Variants in MACROH2A1 observed in about 807,000 individuals in gnomAD.
MACROH2A1 encodes the protein macroH2A.1 histone, also known as core histone macro-H2A.1.
Under a neutral mutation model 31.6 loss-of-function variants are expected in MACROH2A1, and 2 were observed. The ratio of observed to expected loss-of-function variants is 0.06; its 90% CI spans 0.03 to 0.20. MACROH2A1 has a LOEUF of 0.20. Ranked by LOEUF, MACROH2A1 falls within the 10% of genes least tolerant of loss-of-function variation. The pLI, the probability that MACROH2A1 is intolerant of heterozygous loss-of-function variation, is 1.00. For synonymous variants in MACROH2A1, 169 were observed against 189.6 expected, an observed-to-expected ratio of 0.89 and a Z score of 0.89; for missense variants, 230 against 474.0, an observed-to-expected ratio of 0.49 and a Z score of 4.78.
rs558743829 is a variant in MACROH2A1, at chr5:135,340,334, G to A, written c.953+2926C>T. 3.9e-5 allele frequency among the ~76,000 whole-genome samples: 6 copies of A among 152,232 alleles called. No individual in the cohort carries two copies. In the South Asian group the frequency reaches 8.3e-4, roughly 21 times the overall value. On this transcript the variant is annotated intron_variant, in intron 8 of 8. Transcript: ENST00000511689. ...ATGCAGATAAAGGGTTTAGCACCGC[G>A]CCTGGGGCTCAACACATACCCATAA...
chr5:135,364,210 G>A (rs1763204852), intron 4 of MACROH2A1, among the ~76,000 whole-genome samples: 1 of 152,236 alleles, frequency 6.6e-6, no homozygotes, highest in African/African-American at 2.4e-5. Context: ...TAGACACAGG[G>A]CGGGGAACAT....
intron 2 of MACROH2A1, among the ~76,000 whole-genome samples, chr5:135,386,948 A>G (rs542092057): frequency 1.3e-5 from 2 of 152,308 alleles, no homozygotes; most frequent in African/African-American, 4.8e-5. Context: ...TGTGTAGCAC[A>G]TTAGCTTTCC....
At chr5:135,335,445 T>C (rs1338128784) in intron 8 of MACROH2A1, among the ~76,000 whole-genome samples, 2 of 147,844 alleles carry the variant, frequency 1.4e-5, no homozygotes, top group African/African-American at 5.3e-5. Context: ...CGAAGTACAG[T>C]GTAAGCTCCT....
chr5:135,345,631 ATC>A (rs1760716742), intron 7 of MACROH2A1: 1 of 209,018 alleles, frequency 4.8e-6, no homozygotes, highest in African/African-American at 2.3e-5. Flanking sequence ...TTTAATTTGT[ATC>A]TCTCACCAGC....
chr5:135,335,844 G>T (rs746080384), intron 8 of MACROH2A1, among the ~76,000 whole-genome samples: 17 of 152,218 alleles, frequency 1.1e-4, no homozygotes, highest in Non-Finnish European at 2.5e-4. Flanking sequence ...CTGCTCTGTG[G>T]TGTGCCTGAG....
chr5:135,346,027 T>C lies in MACROH2A1; in HGVS notation c.719A>G (p.Glu240Gly). The C allele has an allele frequency of 6.2e-7, 1 of 1,613,962 alleles. No individual in the cohort carries two copies. Among genetic ancestry groups the C allele is most frequent in the Non-Finnish European group, 8.5e-7 (1 of 1,179,854 alleles). The change falls in exon 7 of 9, where the codon GAG (glutamate) becomes GGG (glycine). Residue 240 changes from glutamate to glycine, a missense_variant. Physicochemically the swap from Glu to Gly is moderately conservative, Grantham distance 98 (BLOSUM62 -2). Around this residue, in one of 2 missense-constraint regions of MACROH2A1, gnomAD observed 183 missense variants for 319.3 expected, o/e 0.57. Coordinates refer to ENST00000511689, the MANE Select transcript of MACROH2A1 (RefSeq NM_138610.3). ...GAGTTCCAGGACAGCTTCCACAAAC[T>C]CCTTGCCACCTTTCTTCTCCAGCGT... ...GNTLEKKGGK[E>G]FVEAVLELRK...
intron 2 of MACROH2A1, among the ~76,000 whole-genome samples, chr5:135,373,486 GAA>G (rs1421105247): frequency 1.3e-5 from 2 of 152,194 alleles, no homozygotes; most frequent in Non-Finnish European, 2.9e-5. Context: ...CTTTGTGACT[GAA>G]AAGTTCAGTA....
At chr5:135,395,004 T>C (rs964329955) in intron 1 of MACROH2A1, among the ~76,000 whole-genome samples, 22 of 152,150 alleles carry the variant, frequency 1.4e-4, no homozygotes, top group Admixed American at 1.3e-3. Context: ...GCAAAATCCC[T>C]ATAGGAGCCC....
chr5:135,369,904 A>G lies in MACROH2A1; in HGVS notation c.279+132T>C, dbSNP rs1320009. ...GGGGAAAAACTGCCATGGGAGGCAG[A>G]GAAGCTGCTAATTAATCCAAAAGGC... On this transcript the variant is annotated intron_variant, in intron 3 of 8. Transcript: ENST00000511689. The surrounding 1 kb of genome is among the most constrained non-coding windows in gnomAD (Gnocchi z 4.3). 0.085 allele frequency: 54,606 copies of G among 645,086 alleles called. 5,021 individuals are homozygous for G. The highest frequency in any genetic ancestry group is 0.37 in the African/African-American group (20,067 of 54,830). The allele number at this position is 645,086 out of a possible 1,614,324, so 40.0% of individuals were successfully genotyped here.
At chr5:135,338,013 G>A (rs1206183760) in intron 8 of MACROH2A1, 3 of 1,175,814 alleles carry the variant, frequency 2.6e-6, no homozygotes, top group Non-Finnish European at 3.2e-6. Flanking sequence ...GAATGGCGGA[G>A]GTAACGGCTT....
chr5:135,370,768 T>C (rs1393707769), intron 2 of MACROH2A1, among the ~76,000 whole-genome samples: 4 of 152,228 alleles, frequency 2.6e-5, no homozygotes, highest in Non-Finnish European at 4.4e-5. Context: ...AAATATAATG[T>C]GTCACTCCTT....
At chr5:135,355,317 C>G (rs1313654859) in intron 5 of MACROH2A1, 1 of 453,490 alleles carries the variant, frequency 2.2e-6, no homozygotes, top group East Asian at 7.0e-5. Flanking sequence ...AGAGGCATCC[C>G]CACTCTTGGA....
chr5:135,350,576 G>C (rs772728524), intron 6 of MACROH2A1: 1 of 444,366 alleles, frequency 2.3e-6, no homozygotes, highest in African/African-American at 2.0e-5. Flanking sequence ...GTGAAGAAAC[G>C]ATTCTGCTGA....
chr5:135,341,438 GGGGTGGCGGC>G (rs1280375151), intron 8 of MACROH2A1, among the ~76,000 whole-genome samples: 27 of 152,346 alleles, frequency 1.8e-4, no homozygotes, highest in Non-Finnish European at 3.7e-4. Flanking sequence ...GGGAGAAGTG[GGGGTGGCGGC>G]GGGTGGCGGG....
chr5:135,361,018 G>T, intron 4 of MACROH2A1: 1 of 341,342 alleles, frequency 2.9e-6, no homozygotes, highest in Admixed American at 4.2e-5. Context: ...TCAAAAAGCC[G>T]ACTAAGGACT....
chr5:135,387,655 C>T (rs902475545), intron 2 of MACROH2A1, among the ~76,000 whole-genome samples: 15 of 152,156 alleles, frequency 9.9e-5, no homozygotes, highest in African/African-American at 3.6e-4. Context: ...CCTTCTCAAC[C>T]CCTTGCAGGC....
chr5:135,382,597 T>C (rs1386004231), intron 2 of MACROH2A1, among the ~76,000 whole-genome samples: 1 of 152,236 alleles, frequency 6.6e-6, no homozygotes, highest in East Asian at 1.9e-4. Context: ...AGTAACTTCC[T>C]GGACACAACA....
intron 4 of MACROH2A1, among the ~76,000 whole-genome samples, chr5:135,366,765 C>T (rs1370210857): frequency 6.6e-6 from 1 of 152,136 alleles, no homozygotes; most frequent in Non-Finnish European, 1.5e-5. Context: ...CAAACTCATA[C>T]ATGTGCCCTA....
At chr5:135,338,579 G>A (rs1467962096) in intron 8 of MACROH2A1, among the ~76,000 whole-genome samples, 1 of 152,214 alleles carries the variant, frequency 6.6e-6, no homozygotes, top group Non-Finnish European at 1.5e-5. Flanking sequence ...GCTGCTGGCC[G>A]TGACCGTGGG....
Sources: gnomAD v4.1 joint callset for allele counts (sites outside exome capture counted in the v4.1 genomes callset) on GRCh38, gnomAD v4.1.1 for gene constraint, gnomAD v4.1.1 regional missense constraint, Gnocchi (gnomAD v3.1) non-coding constraint, MANE v1.5 for transcripts, NCBI Gene and HGNC (gene_info 2026-07-23, HGNC 2026-07-21) for gene names.